Variants in SH3KBP1 observed in about 807,000 individuals in gnomAD.
The protein encoded by SH3KBP1 is SH3 domain-containing kinase-binding protein 1.
SH3KBP1 carries 8 observed loss-of-function variants against 50.1 expected under a neutral mutation model. The observed-to-expected ratio is 0.16, with a 90% CI of 0.09 to 0.29. The LOEUF (loss-of-function observed/expected upper bound fraction) is 0.29, where lower values mean the gene tolerates loss of function less well. Ranked by LOEUF, SH3KBP1 falls within the 10% of genes least tolerant of loss-of-function variation. SH3KBP1 has a pLI of 1.00. For missense variants in SH3KBP1, 377 were observed against 535.2 expected, an observed-to-expected ratio of 0.70 and a Z score of 2.92; for synonymous variants, 227 against 218.6, an observed-to-expected ratio of 1.04 and a Z score of -0.34.
At chrX:19,787,463 G>A (rs781579921) in intron 2 of SH3KBP1, among the ~76,000 whole-genome samples, 145 of 111,873 alleles carry the variant, frequency 1.3e-3, no homozygotes, top group African/African-American at 4.4e-3. Context: ...TCTGTGAATT[G>A]TTGTAAAATC....
At chrX:19,539,282 A>G (rs1602388883) in intron 16 of SH3KBP1, among the ~76,000 whole-genome samples, 1 of 112,564 alleles carries the variant, frequency 8.9e-6, no homozygotes, top group Admixed American at 9.4e-5. Flanking sequence ...ATAAGGTGGA[A>G]GTTATATTGC....
At chrX:19,838,486 C>T (rs2068120903) in intron 1 of SH3KBP1, among the ~76,000 whole-genome samples, 1 of 112,479 alleles carries the variant, frequency 8.9e-6, no homozygotes, top group South Asian at 3.6e-4. Context: ...CTCCTTATGG[C>T]TATGACCCCT....
intron 9 of SH3KBP1, among the ~76,000 whole-genome samples, chrX:19,607,050 A>G (rs1370115038): frequency 8.9e-6 from 1 of 112,829 alleles, no homozygotes; most frequent in African/African-American, 3.2e-5. Flanking sequence ...CATTCATCAA[A>G]GCAGCACAAA....
At chrX:19,630,074 A>G (rs922725461) in intron 8 of SH3KBP1, among the ~76,000 whole-genome samples, 3 of 112,346 alleles carry the variant, frequency 2.7e-5, no homozygotes, top group African/African-American at 9.7e-5. Context: ...ATGTATTCAA[A>G]TGGAAGGACT....
intron 12 of SH3KBP1, among the ~76,000 whole-genome samples, chrX:19,583,269 T>C (rs1052083783): frequency 2.8e-5 from 3 of 108,553 alleles, no homozygotes; most frequent in African/African-American, 1.0e-4. Context: ...TTCTCCCGCC[T>C]CAGCCTCCTG....
At chrX:19,791,345 T>C (rs1374559632) in intron 2 of SH3KBP1, among the ~76,000 whole-genome samples, 1 of 111,335 alleles carries the variant, frequency 9.0e-6, no homozygotes, top group Non-Finnish European at 1.9e-5. Context: ...AGAAGGTGAC[T>C]TGTTGCAGGA....
intron 15 of SH3KBP1, among the ~76,000 whole-genome samples, chrX:19,544,869 C>T (rs997219092): frequency 2.7e-5 from 3 of 111,563 alleles, no homozygotes; most frequent in Non-Finnish European, 3.8e-5. Context: ...ATCAGAACCA[C>T]GAAAACCCAC....
intron 13 of SH3KBP1, among the ~76,000 whole-genome samples, chrX:19,552,811 C>A (rs1404748615): frequency 9.1e-6 from 1 of 110,214 alleles, no homozygotes; most frequent in African/African-American, 3.3e-5. Flanking sequence ...GGGATGTGAA[C>A]ATGCGGCAAA....
intron 3 of SH3KBP1, among the ~76,000 whole-genome samples, chrX:19,730,434 A>C (rs1603135217): frequency 8.9e-6 from 1 of 111,937 alleles, no homozygotes; most frequent in East Asian, 2.8e-4. Context: ...CTATCTGGGA[A>C]TTTTTATTTT....
chrX:19,767,102 T>C (rs1203286095), intron 2 of SH3KBP1, among the ~76,000 whole-genome samples: 1 of 112,055 alleles, frequency 8.9e-6, no homozygotes, highest in East Asian at 2.8e-4. Context: ...GTGCCTGGCA[T>C]ACAGTAAATA....
intron 2 of SH3KBP1, among the ~76,000 whole-genome samples, chrX:19,756,062 G>A (rs925188970): frequency 2.7e-5 from 3 of 110,494 alleles, no homozygotes; most frequent in African/African-American, 6.6e-5. Context: ...TCTTTAACTC[G>A]GTGTCTGAGG....
chrX:19,694,907 C>A, intron 5 of SH3KBP1: 1 of 804,260 alleles, frequency 1.2e-6, no homozygotes, highest in South Asian at 2.3e-5. Context: ...CATTCATGCC[C>A]ATGACCTTGG....
chrX:19,698,759 T>G (rs971452452), intron 4 of SH3KBP1, among the ~76,000 whole-genome samples: 1 of 111,972 alleles, frequency 8.9e-6, no homozygotes, highest in African/African-American at 3.3e-5. Flanking sequence ...TACCTCACAC[T>G]ATCCCTCTTC....
chrX:19,651,271 C>T lies in SH3KBP1; in HGVS notation c.727-5796G>A, dbSNP rs151332333. On this transcript the variant is annotated intron_variant, in intron 6 of 17. Coordinates refer to ENST00000397821, the MANE Select transcript of SH3KBP1 (RefSeq NM_031892.3). ...CTCCCTTAGAAATTTACATTAGAAA[C>T]TGTCATCTCATCTACATTTGGTGGG... Among the ~76,000 whole-genome samples the T allele has an allele frequency of 3.1e-3, 340 of 110,492 alleles. 2 individuals carry two copies. The East Asian group carries it at 0.064, about 21-fold the overall frequency.
chrX:19,767,858 T>C (rs2065669577), intron 2 of SH3KBP1, among the ~76,000 whole-genome samples: 1 of 111,031 alleles, frequency 9.0e-6, no homozygotes, highest in Non-Finnish European at 1.9e-5. Flanking sequence ...TGTCCTCTAA[T>C]GATCAACATC....
intron 2 of SH3KBP1, among the ~76,000 whole-genome samples, chrX:19,773,856 GAAAAAAAAAAAAAAA>G (rs59381892): frequency 3.8e-3 from 57 of 14,922 alleles, no homozygotes; most frequent in Middle Eastern, 0.04. Context: ...ACTCCGGCTC[GAAAAAAAAAAAAAAA>G]AAAAAAAAAA....
chrX:19,679,574 G>C (rs1046810828), intron 6 of SH3KBP1, among the ~76,000 whole-genome samples: 4 of 111,689 alleles, frequency 3.6e-5, no homozygotes, highest in African/African-American at 1.3e-4. Context: ...ACTTACATCT[G>C]AGCTTGGTTT....
chrX:19,677,511 T>C (rs1259643962), intron 6 of SH3KBP1, among the ~76,000 whole-genome samples: 1 of 111,790 alleles, frequency 8.9e-6, no homozygotes, highest in East Asian at 2.8e-4. Context: ...ACCAGACTTA[T>C]GTATCCATCT....
chrX:19,867,530 A>G (rs5909133), intron 1 of SH3KBP1, among the ~76,000 whole-genome samples: 5,958 of 111,830 alleles, frequency 0.053, 168 homozygotes, highest in Non-Finnish European at 0.085. Context: ...TTTTAGTCAG[A>G]CATGCGATTC....
Sources: allele counts gnomAD v4.1 joint callset (sites outside exome capture counted in the v4.1 genomes callset), GRCh38; gene constraint gnomAD v4.1.1; transcripts MANE v1.5; gene names NCBI Gene and HGNC (gene_info 2026-07-23, HGNC 2026-07-21).